The following WDPCP variants were observed in gnomAD, a reference collection of about 807,000 sequenced individuals.
WDPCP encodes WD repeat-containing and planar cell polarity effector protein fritz homolog.
A neutral mutation model predicts 93.1 loss-of-function variants in WDPCP; 71 were observed. The observed-to-expected ratio is 0.76, with a 90% CI of 0.63 to 0.93. WDPCP has a LOEUF of 0.93. WDPCP is among the 40% of genes least tolerant of loss of function. The pLI is 0.00. For missense variants in WDPCP, 844 were observed against 887.4 expected, an observed-to-expected ratio of 0.95 and a Z score of 0.62; for synonymous variants, 315 against 315.0, an observed-to-expected ratio of 1.00 and a Z score of 0.00.
intron 2 of WDPCP, among the ~76,000 whole-genome samples, chr2:63,810,643 A>G (rs184288734): frequency 0.01 from 1,573 of 152,324 alleles, 10 homozygotes; most frequent in South Asian, 0.022. Flanking sequence ...CCAGGCAAGT[A>G]CCAAATCAGG....
intron 17 of WDPCP, among the ~76,000 whole-genome samples, chr2:63,139,506 T>C (rs1670904982): frequency 6.6e-6 from 1 of 152,190 alleles, no homozygotes; most frequent in Non-Finnish European, 1.5e-5. Flanking sequence ...TTTTTTATTA[T>C]GGCCATTCTT....
intron 1 of WDPCP, among the ~76,000 whole-genome samples, chr2:63,565,181 T>C (rs1377758756): frequency 6.6e-6 from 1 of 152,202 alleles, no homozygotes; most frequent in Non-Finnish European, 1.5e-5. Flanking sequence ...CACAGAATGA[T>C]TATCAAATCC....
intron 1 of WDPCP, among the ~76,000 whole-genome samples, chr2:63,577,967 T>G (rs1298353705): frequency 6.6e-6 from 1 of 152,196 alleles, no homozygotes; most frequent in African/African-American, 2.4e-5. Context: ...AATTATACAT[T>G]GTGGGAAGTC....
At chr2:63,426,558 A>G (rs1696313467) in intron 9 of WDPCP, among the ~76,000 whole-genome samples, 1 of 152,204 alleles carries the variant, frequency 6.6e-6, no homozygotes, top group Admixed American at 6.5e-5. Context: ...AGTGCTAAAC[A>G]TAGAAACAAA....
intron 9 of WDPCP, among the ~76,000 whole-genome samples, chr2:63,418,649 G>C (rs1046528491): frequency 6.6e-6 from 1 of 152,146 alleles, no homozygotes; most frequent in Non-Finnish European, 1.5e-5. Context: ...ATTCAAAAGA[G>C]AATGCCTGTG....
chr2:63,686,523 T>C (rs1283807102), intron 2 of WDPCP, among the ~76,000 whole-genome samples: 1 of 152,152 alleles, frequency 6.6e-6, no homozygotes, highest in African/African-American at 2.4e-5. Context: ...CCCAAAGTAA[T>C]CTGCAGATTT....
intron 2 of WDPCP, among the ~76,000 whole-genome samples, chr2:63,764,007 C>A (rs1048560183): frequency 6.6e-6 from 1 of 152,060 alleles, no homozygotes; most frequent in Admixed American, 6.6e-5. Context: ...ATTATCAATT[C>A]TTGTTCCCTG....
At chr2:63,569,116 G>C (rs1219673516) in intron 1 of WDPCP, among the ~76,000 whole-genome samples, 1 of 152,024 alleles carries the variant, frequency 6.6e-6, no homozygotes, top group Non-Finnish European at 1.5e-5. Context: ...TAAAGTATAA[G>C]GTAGAAAACA....
intron 12 of WDPCP, among the ~76,000 whole-genome samples, chr2:63,340,079 C>T (rs912782432): frequency 6.6e-6 from 1 of 152,136 alleles, no homozygotes; most frequent in Admixed American, 6.5e-5. Context: ...GGGTATACAT[C>T]TACGTCTTTG....
intron 14 of WDPCP, among the ~76,000 whole-genome samples, chr2:63,242,224 C>T (rs1440007720): frequency 6.6e-6 from 1 of 151,988 alleles, no homozygotes; most frequent in African/African-American, 2.4e-5. Flanking sequence ...GAGATGGCAA[C>T]TTATAATGCT....
At position 63,128,868 on chromosome 2, in the gene WDPCP, G is replaced by A. The variant is rs147669140; in HGVS notation, c.2191-6812C>T. Among the ~76,000 whole-genome samples, 280 of 152,162 alleles carry A rather than the reference G, an allele frequency of 1.8e-3. 3 individuals are homozygous for A. Among genetic ancestry groups the A allele is most frequent in the African/African-American group, 6.3e-3 (260 of 41,496 alleles). On this transcript the variant is annotated intron_variant, in intron 17 of 17. Coordinates refer to ENST00000272321, the MANE Select transcript of WDPCP (RefSeq NM_015910.7). ...TTTTTATTAGAGATGGGGTTTCTCC[G>A]TGTTGGTCAGGCTGGTCTTGAACTC...
chr2:63,357,486 A>C (rs1690106371), intron 12 of WDPCP, among the ~76,000 whole-genome samples: 1 of 152,228 alleles, frequency 6.6e-6, no homozygotes, highest in African/African-American at 2.4e-5. Context: ...GAAGACATAC[A>C]TGCAGCCAAG....
At chr2:63,213,065 G>A (rs1676975677) in intron 14 of WDPCP, among the ~76,000 whole-genome samples, 1 of 152,228 alleles carries the variant, frequency 6.6e-6, no homozygotes, top group Non-Finnish European at 1.5e-5. Flanking sequence ...ACAGATCCAT[G>A]AGACAGAAAG....
chr2:63,383,974 G>A (rs993068318), intron 10 of WDPCP, among the ~76,000 whole-genome samples: 6 of 152,016 alleles, frequency 3.9e-5, no homozygotes, highest in South Asian at 2.1e-4. Flanking sequence ...TTTTAAAATC[G>A]TAAGAGCATT....
intron 9 of WDPCP, among the ~76,000 whole-genome samples, chr2:63,420,988 C>T (rs960104079): frequency 6.6e-6 from 1 of 152,144 alleles, no homozygotes; most frequent in Non-Finnish European, 1.5e-5. Context: ...GTGTAGGACA[C>T]TCACCTTCAA....
intron 2 of WDPCP, among the ~76,000 whole-genome samples, chr2:63,750,137 G>A (rs1669859634): frequency 6.6e-6 from 1 of 152,054 alleles, no homozygotes; most frequent in Admixed American, 6.6e-5. Flanking sequence ...AAATAGACTG[G>A]AATGGTATGT....
At chr2:63,424,853 T>G (rs1696142826) in intron 9 of WDPCP, among the ~76,000 whole-genome samples, 1 of 152,054 alleles carries the variant, frequency 6.6e-6, no homozygotes, top group Non-Finnish European at 1.5e-5. Flanking sequence ...AACAAAGGTA[T>G]TGGGCGCGGT....
intron 2 of WDPCP, among the ~76,000 whole-genome samples, chr2:63,661,193 C>A (rs1467518888): frequency 1.3e-5 from 2 of 152,194 alleles, no homozygotes; most frequent in African/African-American, 4.8e-5. Context: ...TAGGATCTCT[C>A]ACAAGGCTGC....
chr2:63,494,971 A>G (rs1286422225), intron 1 of WDPCP, among the ~76,000 whole-genome samples: 2 of 151,894 alleles, frequency 1.3e-5, no homozygotes, highest in African/African-American at 4.8e-5. Context: ...ACAGTAGATT[A>G]AAGTGCACAG....
Sources: allele counts gnomAD v4.1 joint callset (sites outside exome capture counted in the v4.1 genomes callset), GRCh38; gene constraint gnomAD v4.1.1; transcripts MANE v1.5; gene names NCBI Gene and HGNC (gene_info 2026-07-23, HGNC 2026-07-21).